The following TANC2 variants were observed in gnomAD, a reference collection of about 807,000 sequenced individuals.
The protein encoded by TANC2 is protein TANC2.
Under a neutral mutation model 210.5 loss-of-function variants are expected in TANC2, and 26 were observed. The observed-to-expected ratio is 0.12, with a 90% CI of 0.09 to 0.17. TANC2 has a LOEUF of 0.17. Ranked by LOEUF, TANC2 falls within the 10% of genes least tolerant of loss-of-function variation. TANC2 has a pLI of 1.00. For synonymous variants in TANC2, 931 were observed against 967.1 expected (o/e 0.96, Z 0.69); for missense variants, 2,129 against 2,608.9 (o/e 0.82, Z 4.01).
At chr17:63,184,779 G>A (rs940519880) in intron 5 of TANC2, among the ~76,000 whole-genome samples, 1 of 151,110 alleles carries the variant, frequency 6.6e-6, no homozygotes, top group Admixed American at 6.6e-5. Flanking sequence ...TCAGCCTCCC[G>A]AGTAGCTGGG....
At chr17:63,098,484 A>ACACACTCT (rs1360911153) in intron 3 of TANC2, among the ~76,000 whole-genome samples, 1 of 72,342 alleles carries the variant, frequency 1.4e-5, no homozygotes, top group African/African-American at 6.3e-5. Flanking sequence ...ACACACATAC[A>ACACACTCT]CTCTCTCTCT....
chr17:63,248,734 A>G (rs1455821651), intron 8 of TANC2, among the ~76,000 whole-genome samples: 2 of 152,130 alleles, frequency 1.3e-5, no homozygotes, highest in African/African-American at 2.4e-5. Flanking sequence ...TTGAACTGTA[A>G]TGAATAAAAC....
chr17:63,337,311 C>T (rs774060800), intron 11 of TANC2, among the ~76,000 whole-genome samples: 57 of 151,954 alleles, frequency 3.8e-4, no homozygotes, highest in South Asian at 8.3e-4. Context: ...AAATTTTCTG[C>T]CTCATACCTT....
rs775003949 is a variant in TANC2, at chr17:63,421,851, C to A, written c.6121C>A (p.Gln2041Lys). Residue 2041 changes from glutamine to lysine, a missense_variant, in exon 28 of 28, where the codon CAG becomes AAG. Transcript: ENST00000689528. The surrounding 1 kb of genome is among the most constrained non-coding windows in gnomAD (Gnocchi z 6.9). ...GGTAGCTCGGACTCTACCTGTGGCTCAGGCATACCAGGACAACCTGTACAG... is the reference window on the plus strand; with the variant it reads ...GGTAGCTCGGACTCTACCTGTGGCTAAGGCATACCAGGACAACCTGTACAG... 5 of 1,613,916 alleles carry A rather than the reference C, an allele frequency of 3.1e-6. No homozygotes were observed. Among genetic ancestry groups the A allele is most frequent in the African/African-American group, 1.3e-5 (1 of 74,934 alleles).
intron 11 of TANC2, among the ~76,000 whole-genome samples, chr17:63,326,024 T>C (rs138871635): frequency 3.4e-4 from 52 of 152,358 alleles, no homozygotes; most frequent in Middle Eastern, 6.8e-3. Context: ...TATAATTGAA[T>C]AGTAGCAATA....
intron 19 of TANC2, 119 bp downstream of exon 19, chr17:63,399,033 T>C: frequency 1.6e-6 from 1 of 635,072 alleles, no homozygotes; most frequent in South Asian, 2.6e-5. Context: ...GCTTTTGTAA[T>C]GCAGACTGAT....
chr17:63,285,304 T>C (rs1164230267), intron 9 of TANC2, among the ~76,000 whole-genome samples: 1 of 152,286 alleles, frequency 6.6e-6, no homozygotes, highest in East Asian at 1.9e-4. Flanking sequence ...TCATCCTGCT[T>C]TTCTCTATTT....
chr17:63,049,890 T>C (rs1397182986), intron 2 of TANC2, among the ~76,000 whole-genome samples: 2 of 152,060 alleles, frequency 1.3e-5, no homozygotes, highest in South Asian at 2.1e-4. Flanking sequence ...TTGGATTGTA[T>C]GTGCAGTGGG....
intron 9 of TANC2, among the ~76,000 whole-genome samples, chr17:63,296,851 CA>C (rs2044550347): frequency 1.3e-5 from 2 of 151,814 alleles, no homozygotes; most frequent in South Asian, 4.2e-4. Context: ...CGAAGATAAA[CA>C]GTTGGAATTA....
At chr17:63,006,777 C>T (rs1413590935) in intron 1 of TANC2, among the ~76,000 whole-genome samples, 1 of 151,872 alleles carries the variant, frequency 6.6e-6, no homozygotes, top group Non-Finnish European at 1.5e-5. Context: ...TCAAACATAT[C>T]ATAGTTTTTT....
At chr17:63,384,233 C>G (rs1418508063) in intron 15 of TANC2, among the ~76,000 whole-genome samples, 9 of 152,074 alleles carry the variant, frequency 5.9e-5, no homozygotes, top group African/African-American at 2.2e-4. Flanking sequence ...CTACACCTGG[C>G]TAATTATTTT....
chr17:63,130,960 T>C (rs745415343), intron 4 of TANC2: 21 of 152,060 alleles, frequency 1.4e-4, no homozygotes, highest in Non-Finnish European at 2.8e-4. Flanking sequence ...TCCTTCAGAG[T>C]TGTGGGAAAG....
chr17:63,158,570 CCT>C (rs1404560256), intron 5 of TANC2, among the ~76,000 whole-genome samples: 2 of 152,084 alleles, frequency 1.3e-5, no homozygotes, highest in African/African-American at 4.8e-5. Flanking sequence ...CACTTAAAAT[CCT>C]CTTAGTCTTT....
chr17:63,374,964 G>C (rs2047381190), intron 14 of TANC2, among the ~76,000 whole-genome samples: 1 of 152,002 alleles, frequency 6.6e-6, no homozygotes, highest in Non-Finnish European at 1.5e-5. Context: ...ATAGGAGAGG[G>C]GGGAAATAGC....
chr17:63,251,020 A>G (rs983172358), intron 8 of TANC2, among the ~76,000 whole-genome samples: 12 of 152,164 alleles, frequency 7.9e-5, no homozygotes, highest in African/African-American at 2.9e-4. Context: ...ATGAAATCTA[A>G]GTAGGACCAG....
intron 8 of TANC2, among the ~76,000 whole-genome samples, chr17:63,256,739 T>G (rs2043206560): frequency 2.6e-5 from 4 of 152,224 alleles, no homozygotes; most frequent in Non-Finnish European, 5.9e-5. Flanking sequence ...TCTCTTTAGC[T>G]CTAATAATAA....
At chr17:63,401,327 G>C (rs566139526) in intron 19 of TANC2, among the ~76,000 whole-genome samples, 1 of 152,092 alleles carries the variant, frequency 6.6e-6, no homozygotes, top group South Asian at 2.1e-4. Context: ...CCTATAATAT[G>C]TATCACTTAC....
chr17:63,426,912 CAA>C (rs1452623025), exon 28 of TANC2: 3 of 152,116 alleles, frequency 2.0e-5, no homozygotes, highest in East Asian at 3.9e-4. Flanking sequence ...CAGCGCCAGA[CAA>C]GAGTTAATTC....
At chr17:63,369,999 C>T (rs1008672959) in intron 14 of TANC2, among the ~76,000 whole-genome samples, 1 of 152,066 alleles carries the variant, frequency 6.6e-6, no homozygotes, top group African/African-American at 2.4e-5. Context: ...CCACATACAC[C>T]CTGCTCTCTC....
Sources: allele counts gnomAD v4.1 joint callset (sites outside exome capture counted in the v4.1 genomes callset), GRCh38; gene constraint gnomAD v4.1.1; non-coding constraint Gnocchi (gnomAD v3.1); transcripts MANE v1.5; gene names NCBI Gene and HGNC (gene_info 2026-07-23, HGNC 2026-07-21).